Variants in PPP2R2B observed in about 807,000 individuals in gnomAD.
PPP2R2B encodes the protein protein phosphatase 2 regulatory subunit Bbeta.
A neutral mutation model predicts 46.0 loss-of-function variants in PPP2R2B; 5 were observed. The ratio of observed to expected loss-of-function variants is 0.11; its 90% confidence interval spans 0.06 to 0.23. The LOEUF is 0.23. Among genes scored for constraint, PPP2R2B ranks in the 10% least tolerant of loss-of-function variants. The pLI is 1.00. For missense variants in PPP2R2B, 367 were observed against 575.0 expected (o/e 0.64, Z 3.70); for synonymous variants, 215 against 206.7 (o/e 1.04, Z -0.34).
At chr5:146,818,724 A>G (rs1052016672) in intron 2 of PPP2R2B, among the ~76,000 whole-genome samples, 1 of 152,202 alleles carries the variant, frequency 6.6e-6, no homozygotes, top group African/African-American at 2.4e-5. Context: ...AAGATGATAG[A>G]GGAAGTAATG....
At chr5:146,783,506 T>G (rs1366733751) in intron 2 of PPP2R2B, among the ~76,000 whole-genome samples, 1 of 152,230 alleles carries the variant, frequency 6.6e-6, no homozygotes, top group Non-Finnish European at 1.5e-5. Context: ...AATTTAAAAT[T>G]TTTCTACTTA....
chr5:146,636,194 C>T (rs1011583506), intron 7 of PPP2R2B, among the ~76,000 whole-genome samples: 3 of 152,116 alleles, frequency 2.0e-5, no homozygotes, highest in Non-Finnish European at 2.9e-5. Flanking sequence ...CAAATTACCT[C>T]CCACATACTA....
chr5:146,917,688 C>T (rs183224412), intron 1 of PPP2R2B: 1 of 152,212 alleles, frequency 6.6e-6, no homozygotes, highest in Non-Finnish European at 1.5e-5. Flanking sequence ...ATTCTAATAC[C>T]ACAGTGGCTG....
Position 146,804,819 on chromosome 5 carries a change from T to C in PPP2R2B, c.70+73183A>G, listed in dbSNP as rs78762191. 4.0e-3 allele frequency among the ~76,000 whole-genome samples: 603 copies of C among 152,258 alleles called. 9 individuals are homozygous for C. Among genetic ancestry groups the C allele is most frequent in the African/African-American group, 0.014 (576 of 41,538 alleles). On this transcript the variant is annotated intron_variant, in intron 2 of 9. Coordinates refer to ENST00000394411, the MANE Select transcript of PPP2R2B (RefSeq NM_181675.4). Reference sequence around the variant, plus strand: ...AGCAGGTCGCCTGAGGAGAAGCATATGTTTAATGCTTCACACTCCATGATG... The same window carrying C: ...AGCAGGTCGCCTGAGGAGAAGCATACGTTTAATGCTTCACACTCCATGATG...
rs1235994528 is a variant in PPP2R2B, at chr5:146,608,102, T to C, written c.791-7642A>G. Among the ~76,000 whole-genome samples the C allele has an allele frequency of 5.9e-5, 9 of 152,324 alleles. No homozygotes were observed. In the East Asian group the frequency reaches 1.7e-3, roughly 29 times the overall value. ...GTGAGTCAGACTTGGCTGTATGCCA[T>C]AGTTTGCTGAGCCCTGATAATGGTG... On this transcript the variant is annotated intron_variant, in intron 7 of 9. Transcript: ENST00000394411.
At chr5:147,015,074 C>T (rs1754936816) in intron 1 of PPP2R2B, among the ~76,000 whole-genome samples, 1 of 151,954 alleles carries the variant, frequency 6.6e-6, no homozygotes. Flanking sequence ...TGTTAATTGT[C>T]TTCCAACTAG....
At chr5:146,940,445 T>C (rs964095264) in intron 1 of PPP2R2B, among the ~76,000 whole-genome samples, 4 of 151,644 alleles carry the variant, frequency 2.6e-5, no homozygotes, top group African/African-American at 9.7e-5. Flanking sequence ...AGAATGCCAG[T>C]CAGGAGTTAT....
rs1453756252 is a variant in PPP2R2B at position 146,580,767 on chromosome 5, G to A, written c.*9180C>T. ...TCACATTAGGAAGAATTTATTGAATGCTAGATAACATGGAAAAGCTATAAT... is the reference window on the plus strand; with the variant it reads ...TCACATTAGGAAGAATTTATTGAATACTAGATAACATGGAAAAGCTATAAT... On this transcript the variant is annotated 3_prime_UTR_variant, in exon 10 of 10. Coordinates refer to ENST00000394411, the MANE Select transcript of PPP2R2B (RefSeq NM_181675.4). Among the ~76,000 whole-genome samples, 2 of 150,304 alleles carry A rather than the reference G, an allele frequency of 1.3e-5. No homozygotes were observed. Among genetic ancestry groups the A allele is most frequent in the African/African-American group, 4.9e-5 (2 of 40,830 alleles).
chr5:146,838,097 G>A (rs946445185), intron 2 of PPP2R2B, among the ~76,000 whole-genome samples: 1 of 152,152 alleles, frequency 6.6e-6, no homozygotes, highest in African/African-American at 2.4e-5. Context: ...TATGTTGAAT[G>A]AATAAATGAA....
chr5:146,592,990 C>T lies in PPP2R2B; in HGVS notation c.1033G>A (p.Val345Met). The T allele has an allele frequency of 1.2e-6, 2 of 1,613,442 alleles. No homozygotes were observed. The highest frequency in any genetic ancestry group is 1.1e-5 in the South Asian group (1 of 91,068). The change falls in exon 9 of 10, where the codon GTG becomes ATG. Residue 345 changes from valine to methionine, a missense_variant. Physicochemically the swap from Val to Met is conservative, Grantham distance 21 (BLOSUM62 1). Transcript: ENST00000394411. ...TCTTACCTGTCTGACCCATTCCACA[C>T]ACACTCAAATTTATCAAAAATGCAG... ...NDCIFDKFEC[V>M]WNGSDSVIMT... is the part of the protein sequence containing the mutation.
chr5:146,826,353 A>T (rs1379887504), intron 2 of PPP2R2B, among the ~76,000 whole-genome samples: 1 of 152,222 alleles, frequency 6.6e-6, no homozygotes, highest in Admixed American at 6.5e-5. Context: ...GGAGCTGGCC[A>T]AAACTTCTTG....
At position 146,580,766 on chromosome 5, in the gene PPP2R2B, T is replaced by G. The variant is rs1225865525; in HGVS notation, c.*9181A>C. ...GTCACATTAGGAAGAATTTATTGAA[T>G]GCTAGATAACATGGAAAAGCTATAA... On this transcript the variant is annotated 3_prime_UTR_variant, in exon 10 of 10. Coordinates refer to ENST00000394411, the MANE Select transcript of PPP2R2B (RefSeq NM_181675.4). 6.7e-6 allele frequency among the ~76,000 whole-genome samples: 1 copy of G among 149,008 alleles called. No individual in the cohort carries two copies. Among genetic ancestry groups the G allele is most frequent in the Admixed American group, 6.7e-5 (1 of 14,988 alleles).
At chr5:147,007,141 G>T (rs116570448) in intron 1 of PPP2R2B, among the ~76,000 whole-genome samples, 8 of 152,198 alleles carry the variant, frequency 5.3e-5, no homozygotes, top group African/African-American at 1.4e-4. Context: ...GGACTGACCC[G>T]CTGGTCCTTT....
At chr5:146,789,616 G>A (rs983543446) in intron 2 of PPP2R2B, among the ~76,000 whole-genome samples, 2 of 151,992 alleles carry the variant, frequency 1.3e-5, no homozygotes, top group African/African-American at 2.4e-5. Flanking sequence ...AGACAGTCAC[G>A]GGCATGGTCC....
At chr5:146,768,094 A>G (rs1754603126) in intron 2 of PPP2R2B, among the ~76,000 whole-genome samples, 1 of 151,484 alleles carries the variant, frequency 6.6e-6, no homozygotes, top group Admixed American at 6.6e-5. Flanking sequence ...TTTTTTTTGA[A>G]ACAGGGTCTT....
intron 2 of PPP2R2B, among the ~76,000 whole-genome samples, chr5:146,877,689 T>C (rs1037556579): frequency 1.3e-5 from 2 of 152,090 alleles, no homozygotes; most frequent in South Asian, 4.2e-4. Context: ...CCTGCGAACA[T>C]CTCGGGGAAG....
intron 1 of PPP2R2B, among the ~76,000 whole-genome samples, chr5:146,981,001 T>C (rs777999609): frequency 6.6e-6 from 1 of 152,172 alleles, no homozygotes. Context: ...TAAAAAGATA[T>C]CTACATCTAG....
chr5:146,831,623 A>C (rs1020703227), intron 2 of PPP2R2B, among the ~76,000 whole-genome samples: 1 of 151,342 alleles, frequency 6.6e-6, no homozygotes, highest in Admixed American at 6.6e-5. Flanking sequence ...TAAAATAAAA[A>C]ATTTAAAAAA....
In PPP2R2B at chr5:146,581,779, ATGAT is replaced by A. The variant is rs1048650973; in HGVS notation, c.*8164_*8167del. On this transcript the variant is annotated 3_prime_UTR_variant, in exon 10 of 10. Transcript: ENST00000394411. ...AATAGATTGTCTTTAATATGCAACT[ATGAT>A]TGTTTGCTGTTCTCTTTATATATTC... 1.3e-5 allele frequency: 2 copies of A among 152,178 alleles called. No individual in the cohort carries two copies. The highest frequency in any genetic ancestry group is 4.8e-5 in the African/African-American group (2 of 41,434). The allele number at this position is 152,178 out of a possible 1,614,324, so 9.4% of individuals were successfully genotyped here.
Sources: allele counts gnomAD v4.1 joint callset (sites outside exome capture counted in the v4.1 genomes callset), GRCh38; gene constraint gnomAD v4.1.1; transcripts MANE v1.5; gene names NCBI Gene and HGNC (gene_info 2026-07-23, HGNC 2026-07-21).